The following MYO15A variants were observed in gnomAD, a reference collection of about 807,000 sequenced individuals.
MYO15A encodes the protein myosin XVA.
In MYO15A, 308 loss-of-function variants were observed where a neutral mutation model predicts 394.6. That is an observed-to-expected ratio of 0.78 (90% CI 0.71 to 0.86). The LOEUF (loss-of-function observed/expected upper bound fraction) is 0.86, where lower values mean the gene tolerates loss of function less well. Among genes scored for constraint, MYO15A ranks in the 40% least tolerant of loss-of-function variants. The probability of loss-of-function intolerance (pLI) is 0.00; values close to 1 mark genes in which losing one functional copy is unlikely to be tolerated. For missense variants in MYO15A, 4,606 were observed against 4,799.1 expected (o/e 0.96, Z 1.19); for synonymous variants, 1,957 against 2,003.8 (o/e 0.98, Z 0.62).
At position 18,120,127 on chromosome 17, in the gene MYO15A, G is replaced by A. The variant is rs1288520373; in HGVS notation, c.1327G>A (p.Val443Ile). 2.5e-6 allele frequency: 4 copies of A among 1,612,960 alleles called. No homozygotes were observed. The highest frequency in any genetic ancestry group is 3.4e-6 in the Non-Finnish European group (4 of 1,179,916). The change falls in exon 2 of 66, where the codon GTA (valine) becomes ATA (isoleucine). Residue 443 changes from valine (V) to isoleucine (I), a missense_variant. By Grantham distance (29) the Val-to-Ile change is conservative. Transcript: ENST00000647165. ...AELEEPEDAG[V>I]ERQGTSFRLP... ...GCTGGAGGAACCAGAGGACGCGGGCGTAGAGCGTCAGGGGACCTCCTTCCG... is the reference window on the plus strand; with the variant it reads ...GCTGGAGGAACCAGAGGACGCGGGCATAGAGCGTCAGGGGACCTCCTTCCG...
chr17:18,126,757 G>A (rs2046051159), intron 5 of MYO15A, 34 bp from the exon 6 acceptor site: 3 of 1,612,004 alleles, frequency 1.9e-6, no homozygotes, highest in Non-Finnish European at 2.5e-6. Context: ...GGAGCTTAGA[G>A]GCAGGGGCCA....
intron 53 of MYO15A, 68 bp from the exon 54 acceptor site, chr17:18,159,207 C>A (rs2046736878): frequency 1.3e-6 from 2 of 1,576,092 alleles, no homozygotes; most frequent in Admixed American, 3.4e-5. Flanking sequence ...GGCCTTGGAA[C>A]ACAATGTGTC....
At chr17:18,159,031 TA>T (rs1176893355) in intron 53 of MYO15A, 34 bp downstream of exon 53, 7 of 1,608,650 alleles carry the variant, frequency 4.4e-6, no homozygotes, top group Non-Finnish European at 5.1e-6. Flanking sequence ...TCCCCATCTG[TA>T]AAATGGTGAT....
In MYO15A at chr17:18,117,099, T is replaced by C. The variant is rs1024204211; in HGVS notation, c.-219-1483T>C. On this transcript the variant is annotated intron_variant, in intron 1 of 65. Coordinates refer to ENST00000647165, the MANE Select transcript of MYO15A (RefSeq NM_016239.4). The surrounding 1 kb of genome is among the most constrained non-coding windows in gnomAD (Gnocchi z 4.1). ...TCGCTCCAAAAGCCCTCCATCCAATTTCTCTGGTTTCCATCAAGCCCCACT... is the reference window on the plus strand; with the variant it reads ...TCGCTCCAAAAGCCCTCCATCCAATCTCTCTGGTTTCCATCAAGCCCCACT... Among the ~76,000 whole-genome samples the C allele has an allele frequency of 6.6e-6, 1 of 152,080 alleles. No homozygotes were observed. Among genetic ancestry groups the C allele is most frequent in the African/African-American group, 2.4e-5 (1 of 41,402 alleles).
chr17:18,156,616 A>G (rs1050754383), intron 48 of MYO15A, among the ~76,000 whole-genome samples: 1 of 152,218 alleles, frequency 6.6e-6, no homozygotes, highest in East Asian at 1.9e-4. Flanking sequence ...CGCCCACTGC[A>G]TCACAATCTC....
In MYO15A at chr17:18,157,247, C is replaced by T. The variant is rs989747590; in HGVS notation, c.8788+17C>T. Reference sequence around the variant, plus strand: ...CCGACTTTGGTGTGTGCCCCAGAACCTGGAACCCCATACGGGGCGCATCCT... The same window carrying T: ...CCGACTTTGGTGTGTGCCCCAGAACTTGGAACCCCATACGGGGCGCATCCT... On this transcript the variant is annotated intron_variant, in intron 50 of 65. Coordinates refer to ENST00000647165, the MANE Select transcript of MYO15A (RefSeq NM_016239.4). The T allele has an allele frequency of 3.8e-6, 6 of 1,594,590 alleles. No individual in the cohort carries two copies. Among genetic ancestry groups the T allele is most frequent in the Non-Finnish European group, 5.1e-6 (6 of 1,170,172 alleles).
chr17:18,158,727 C>A, intron 52 of MYO15A, 89 bp downstream of exon 52: 1 of 1,503,746 alleles, frequency 6.7e-7, no homozygotes, highest in South Asian at 1.1e-5. Context: ...GTCTCGGAGG[C>A]CCCACTTCTG....
Position 18,120,933 on chromosome 17 carries a change from A to G in MYO15A, c.2133A>G (p.Pro711=). ...CCTGGGCCGCCCCAGCGCACGTGCC[A>G]CCGGCGCCGCAGGCCAGCTGGTGGG... ...PPPWAAPAHV[P]PAPQASWWAF... Residue 711 remains proline (P), a synonymous_variant, in exon 2 of 66, where the codon CCA becomes CCG. Coordinates refer to ENST00000647165, the MANE Select transcript of MYO15A (RefSeq NM_016239.4). The G allele has an allele frequency of 1.4e-6, 2 of 1,469,314 alleles. No individual in the cohort carries two copies. The highest frequency in any genetic ancestry group is 1.8e-6 in the Non-Finnish European group (2 of 1,116,122). 91.0% of individuals were successfully genotyped at this position (1,469,314 alleles called of 1,614,324 possible). A position where few individuals can be genotyped will look rare whatever the true frequency, so the allele number is the denominator to read the frequency against.
rs773278133 is a variant in MYO15A, at chr17:18,173,933, G to A, written c.10491+12G>A. The A allele has an allele frequency of 1.2e-5, 19 of 1,611,882 alleles. No homozygotes were observed. Among genetic ancestry groups the A allele is most frequent in the Admixed American group, 1.2e-4 (7 of 59,882 alleles). The stretch of plus-strand genomic sequence containing the variant: ...TGCAGCTGGAGCAGGTGGGCCCAGC[G>A]CTAAGTCCAACATTCCACTCACTGG... On this transcript the variant is annotated intron_variant, in intron 65 of 65. Coordinates refer to ENST00000647165, the MANE Select transcript of MYO15A (RefSeq NM_016239.4).
chr17:18,171,614 T>C (rs2046940840), intron 62 of MYO15A, 24 bp from the exon 63 acceptor site: 1 of 1,612,876 alleles, frequency 6.2e-7, no homozygotes, highest in Non-Finnish European at 8.5e-7. Flanking sequence ...ACTCAGGACC[T>C]TTTTCCCCTT....
At chr17:18,133,449 G>A in intron 12 of MYO15A, 63 bp downstream of exon 12, 4 of 1,591,986 alleles carry the variant, frequency 2.5e-6, no homozygotes, top group Non-Finnish European at 3.4e-6. Flanking sequence ...TCTTTTCCAA[G>A]GCCTTCTCTG....
At position 18,148,718 on chromosome 17, in the gene MYO15A, T is replaced by A. The variant is rs1184384655; in HGVS notation, c.6765-43T>A. 6.4e-7 allele frequency: 1 copy of A among 1,563,862 alleles called. No homozygotes were observed. The highest frequency in any genetic ancestry group is 1.9e-5 in the Admixed American group (1 of 53,650). ...CAGGATCTCCCCAGGTAGTGCCTGA[T>A]GACTCTGTCCCTCATTTCCATTCCT... On this transcript the variant is annotated intron_variant, in intron 32 of 65. Transcript: ENST00000647165. This position sits in a 1 kb window ranked among gnomAD's most constrained non-coding sequence, Gnocchi z 4.8.
chr17:18,153,896 G>C lies in MYO15A; in HGVS notation c.8088G>C (p.Glu2696Asp). The change falls in exon 43 of 66, where the codon GAG (glutamate) becomes GAC (aspartate). Residue 2696 changes from glutamate to aspartate, a missense_variant and splice_region_variant. Around this residue, in one of 2 missense-constraint regions of MYO15A, gnomAD observed 2,776 missense variants for 3,109.3 expected, o/e 0.89. Transcript: ENST00000647165. This position sits in a 1 kb window ranked among gnomAD's most constrained non-coding sequence, Gnocchi z 4.1. ...DAPWKIFLRK[E>D]VFYPKDSYSH... ...CCTGGAAGATCTTCCTGCGCAAAGA[G>C]GTGCCGAGCACAGCCGTAGCCAGGG... 1 of 1,613,574 alleles carries C rather than the reference G, an allele frequency of 6.2e-7. No homozygotes were observed. Among genetic ancestry groups the C allele is most frequent in the Non-Finnish European group, 8.5e-7 (1 of 1,180,016 alleles).
intron 62 of MYO15A, 99 bp from the exon 63 acceptor site, chr17:18,171,539 G>A (rs1399653666): frequency 1.3e-6 from 2 of 1,559,128 alleles, no homozygotes; most frequent in East Asian, 4.5e-5. Flanking sequence ...TTCCAGGGAG[G>A]TGCATAGATC....
Position 18,158,916 on chromosome 17 carries a change from C to T in MYO15A, c.9084-9C>T. ...AGGACAGGTCAGTAGCACCCACCTC[C>T]CACTGCAGGGATGGCCTCAGGCTGA... is the stretch of plus-strand genomic sequence containing the variant. On this transcript the variant is annotated splice_polypyrimidine_tract_variant and intron_variant, in intron 52 of 65. Coordinates refer to ENST00000647165, the MANE Select transcript of MYO15A (RefSeq NM_016239.4). The T allele has an allele frequency of 1.2e-6, 2 of 1,614,150 alleles. No homozygotes were observed. Among genetic ancestry groups the T allele is most frequent in the South Asian group, 1.1e-5 (1 of 91,086 alleles).
At position 18,157,748 on chromosome 17, in the gene MYO15A, C is replaced by A. The variant is rs752473640; in HGVS notation, c.8815C>A (p.Arg2939Ser). Reference sequence around the variant, plus strand: ...CTGGAGGTTCGGGACCATCCACGGGCGCGTGGGCCGCTTCCCTTCGGAGCT... The same window carrying A: ...CTGGAGGTTCGGGACCATCCACGGGAGCGTGGGCCGCTTCCCTTCGGAGCT... ...FGWRFGTIHG[R>S]VGRFPSELVQ... The change falls in exon 51 of 66, where the codon CGC becomes AGC. Residue 2939 changes from arginine to serine, a missense_variant. Arg to Ser is a moderately radical substitution (Grantham distance 110). Coordinates refer to ENST00000647165, the MANE Select transcript of MYO15A (RefSeq NM_016239.4). 3.1e-6 allele frequency: 5 copies of A among 1,606,184 alleles called. No individual in the cohort carries two copies. In the African/African-American group the frequency reaches 5.3e-5, roughly 17 times the overall value.
intron 7 of MYO15A, among the ~76,000 whole-genome samples, chr17:18,130,008 T>G (rs997799808): frequency 1.3e-5 from 2 of 152,190 alleles, no homozygotes; most frequent in African/African-American, 4.8e-5. Context: ...GCCTCCCAAG[T>G]AGCTGGGACT....
chr17:18,148,658 C>A lies in MYO15A; in HGVS notation c.6764+90C>A, dbSNP rs2046524148. 2 of 1,542,190 alleles carry A rather than the reference C, an allele frequency of 1.3e-6. No individual in the cohort carries two copies. The highest frequency in any genetic ancestry group is 8.8e-7 in the Non-Finnish European group (1 of 1,139,622). On this transcript the variant is annotated intron_variant, in intron 32 of 65. Coordinates refer to ENST00000647165, the MANE Select transcript of MYO15A (RefSeq NM_016239.4). This position sits in a 1 kb window ranked among gnomAD's most constrained non-coding sequence, Gnocchi z 4.8. ...GATCCCCCAGAGGGTCCCATAGGGT[C>A]CATTCTGTTCATGTTTAGGGTCTGG...
At chr17:18,136,717 G>A in intron 15 of MYO15A, 31 bp downstream of exon 15, 3 of 1,567,618 alleles carry the variant, frequency 1.9e-6, no homozygotes, top group Non-Finnish European at 1.7e-6. Flanking sequence ...GAGGGGCGGG[G>A]GACATAGGCA....
Sources: gnomAD v4.1 joint callset for allele counts (sites outside exome capture counted in the v4.1 genomes callset) on GRCh38, gnomAD v4.1.1 for gene constraint, gnomAD v4.1.1 regional missense constraint, Gnocchi (gnomAD v3.1) non-coding constraint, MANE v1.5 for transcripts, NCBI Gene and HGNC (gene_info 2026-07-23, HGNC 2026-07-21) for gene names.